The following KCNT1 variants were observed in gnomAD, a reference collection of about 807,000 sequenced individuals.
KCNT1 encodes potassium channel subfamily T member 1.
In KCNT1, 78 loss-of-function variants were observed where a neutral mutation model predicts 147.8. The observed-to-expected ratio is 0.53, with a 90% CI of 0.44 to 0.64. The LOEUF is 0.64. Among genes scored for constraint, KCNT1 ranks in the 30% least tolerant of loss-of-function variants. The probability of loss-of-function intolerance (pLI) is 0.00; values close to 1 mark genes in which losing one functional copy is unlikely to be tolerated. For missense variants in KCNT1, 1,419 were observed against 1,750.3 expected (o/e 0.81, Z 3.38); for synonymous variants, 867 against 748.8 (o/e 1.16, Z -2.58).
At chr9:135,750,310 C>T (rs1413959834) in intron 3 of KCNT1, 133 bp downstream of exon 3, 15 of 317,354 alleles carry the variant, frequency 4.7e-5, no homozygotes, top group African/African-American at 1.4e-4. Flanking sequence ...CTGAGTGCTG[C>T]GGGGGCATTT....
chr9:135,726,978 A>C (rs553284391), intron 2 of KCNT1, among the ~76,000 whole-genome samples: 3 of 6,212 alleles, frequency 4.8e-4, no homozygotes, highest in African/African-American at 6.4e-4. Context: ...TCTCTTTCCC[A>C]TTCTCTCTCT....
Position 135,759,718 on chromosome 9 carries a change from C to T in KCNT1, c.894C>T (p.Asn298=). The T allele has an allele frequency of 6.2e-7, 1 of 1,613,086 alleles. No homozygotes were observed. The highest frequency in any genetic ancestry group is 8.5e-7 in the Non-Finnish European group (1 of 1,179,606). Residue 298 remains asparagine, a synonymous_variant, in exon 11 of 31, where the codon AAC becomes AAT. Coordinates refer to ENST00000371757, the MANE Select transcript of KCNT1 (RefSeq NM_020822.3). The part of the protein sequence containing the change: ...GIQHLERAGE[N]LSLLTSFYFC... ...AGCACCTGGAGCGGGCGGGCGAGAACCTGTCCCTCCTGACCTCCTTCTACT... is the reference window on the plus strand; with the variant it reads ...AGCACCTGGAGCGGGCGGGCGAGAATCTGTCCCTCCTGACCTCCTTCTACT...
intron 2 of KCNT1, among the ~76,000 whole-genome samples, chr9:135,742,300 G>A (rs901480912): frequency 3.3e-5 from 5 of 152,244 alleles, no homozygotes; most frequent in Non-Finnish European, 5.9e-5. Context: ...CACCGCGCTC[G>A]CTTCTGGATG....
Position 135,794,497 on chromosome 9 carries a change from A to C in KCNT1, c.*2336A>C, listed in dbSNP as rs1024563250. 5.3e-5 allele frequency: 8 copies of C among 152,350 alleles called. No individual in the cohort carries two copies. The highest frequency in any genetic ancestry group is 7.3e-5 in the Non-Finnish European group (5 of 68,036). The allele number at this position is 152,350 out of a possible 1,614,324, so 9.4% of individuals were successfully genotyped here. On this transcript the variant is annotated 3_prime_UTR_variant, in exon 31 of 31. Coordinates refer to ENST00000371757, the MANE Select transcript of KCNT1 (RefSeq NM_020822.3). ...GTCCAGCCCTGGACATCCGAGGAGGAGGCGGGCAGTCCCTGCCCCTTCACT... is the reference window on the plus strand; with the variant it reads ...GTCCAGCCCTGGACATCCGAGGAGGCGGCGGGCAGTCCCTGCCCCTTCACT...
chr9:135,789,781 G>A (rs533597428), intron 29 of KCNT1: 7 of 152,234 alleles, frequency 4.6e-5, no homozygotes, highest in South Asian at 2.1e-4. Context: ...GACCAGGGGC[G>A]AGGTGGCCCT....
chr9:135,788,132 A>C, intron 29 of KCNT1: 2 of 1,612,938 alleles, frequency 1.2e-6, no homozygotes, highest in Non-Finnish European at 1.7e-6. Flanking sequence ...CAGTGATGTC[A>C]TGAATCGGGT....
intron 10 of KCNT1, among the ~76,000 whole-genome samples, 190 bp from the exon 11 acceptor site, chr9:135,759,489 A>C (rs1831756888): frequency 6.6e-6 from 1 of 152,224 alleles, no homozygotes; most frequent in South Asian, 2.1e-4. Flanking sequence ...TGGCTCCGGC[A>C]GAGCTTGGGG....
intron 2 of KCNT1, among the ~76,000 whole-genome samples, chr9:135,745,203 C>T (rs755370701): frequency 5.9e-5 from 9 of 152,214 alleles, no homozygotes; most frequent in Non-Finnish European, 1.5e-5. Flanking sequence ...GATTCTTCTG[C>T]CCCGTCCTTG....
At chr9:135,760,915 G>A (rs1831873108) in intron 11 of KCNT1, among the ~76,000 whole-genome samples, 1 of 152,212 alleles carries the variant, frequency 6.6e-6, no homozygotes, top group Non-Finnish European at 1.5e-5. Flanking sequence ...GCTGATGAGC[G>A]AGTCTCTGTG....
intron 2 of KCNT1, among the ~76,000 whole-genome samples, chr9:135,745,369 T>TTTCCCA (rs1234851423): frequency 1.3e-5 from 2 of 152,058 alleles, no homozygotes; most frequent in East Asian, 3.9e-4. Context: ...GGTCCCCTGC[T>TTTCCCA]TTCCCACCGG....
intron 2 of KCNT1, among the ~76,000 whole-genome samples, chr9:135,722,017 A>G (rs1340034048): frequency 1.3e-5 from 2 of 152,120 alleles, no homozygotes; most frequent in African/African-American, 2.4e-5. Flanking sequence ...CTGGGTGACC[A>G]AGGAGTGGGC....
intron 20 of KCNT1, 34 bp downstream of exon 20, chr9:135,775,449 C>T (rs923475221): frequency 4.4e-5 from 68 of 1,530,820 alleles, no homozygotes; most frequent in Non-Finnish European, 5.6e-5. Context: ...CTCTGCACCC[C>T]CAGACGCCAG....
chr9:135,728,645 G>A (rs1489776391), intron 2 of KCNT1, among the ~76,000 whole-genome samples: 2 of 152,240 alleles, frequency 1.3e-5, no homozygotes, highest in East Asian at 3.9e-4. Context: ...AGTGAGGGCC[G>A]CAGCCACGGG....
chr9:135,791,982 G>A (rs1834572029), intron 30 of KCNT1, 59 bp from the exon 31 acceptor site: 27 of 1,605,670 alleles, frequency 1.7e-5, no homozygotes, highest in Middle Eastern at 1.7e-4. Context: ...CTCAGCAGAG[G>A]GCTGAGCAGG....
At chr9:135,777,701 C>T (rs987377632) in intron 21 of KCNT1, among the ~76,000 whole-genome samples, 191 bp downstream of exon 21, 4 of 151,652 alleles carry the variant, frequency 2.6e-5, no homozygotes, top group Non-Finnish European at 5.9e-5. Context: ...GCTCCCAGCT[C>T]CTCCCCACAC....
chr9:135,705,810 G>A (rs1236670052), intron 1 of KCNT1, among the ~76,000 whole-genome samples: 3 of 152,178 alleles, frequency 2.0e-5, no homozygotes, highest in African/African-American at 7.2e-5. Flanking sequence ...GCAGGGGACA[G>A]TGGCAGGGCA....
Position 135,702,522 on chromosome 9 carries a change from G to A in KCNT1, c.110+154G>A, listed in dbSNP as rs188210338. 4.3e-3 allele frequency among the ~76,000 whole-genome samples: 651 copies of A among 152,280 alleles called. 5 individuals are homozygous for A. The highest frequency in any genetic ancestry group is 0.015 in the African/African-American group (611 of 41,562). On this transcript the variant is annotated intron_variant, in intron 1 of 30. Transcript: ENST00000371757. ...GCGAGTGCCCTCCCAACCACCTTGG[G>A]GAACAGGGGCGCCCCTCAGGGTGGG...
intron 27 of KCNT1, 120 bp downstream of exon 27, chr9:135,785,009 C>T (rs2131576475): frequency 2.8e-6 from 4 of 1,436,272 alleles, no homozygotes; most frequent in Non-Finnish European, 3.7e-6. Flanking sequence ...CCACAGCATC[C>T]CCACCTTCAG....
Position 135,759,691 on chromosome 9 carries a change from C to A in KCNT1, c.867C>A (p.Ile289=), listed in dbSNP as rs761045901. ...LCLVFTGTCG[I]QHLERAGENL... is the part of the protein sequence containing the mutation. ...CCAGGGGTTGCAGGACCTGCGGCAT[C>A]CAGCACCTGGAGCGGGCGGGCGAGA... The change falls in exon 11 of 31, where the codon ATC becomes ATA. Residue 289 remains isoleucine (I), a synonymous_variant. Coordinates refer to ENST00000371757, the MANE Select transcript of KCNT1 (RefSeq NM_020822.3). 2.7e-5 allele frequency: 43 copies of A among 1,607,962 alleles called. No homozygotes were observed. In the African/African-American group the frequency reaches 4.4e-4, roughly 16 times the overall value.
Sources: gnomAD v4.1 joint callset for allele counts (sites outside exome capture counted in the v4.1 genomes callset) on GRCh38, gnomAD v4.1.1 for gene constraint, MANE v1.5 for transcripts, NCBI Gene and HGNC (gene_info 2026-07-23, HGNC 2026-07-21) for gene names.